Variants in CORIN observed in about 807,000 individuals in gnomAD.
CORIN encodes atrial natriuretic peptide-converting enzyme.
CORIN carries 117 observed loss-of-function variants against 125.3 expected under a neutral mutation model. The ratio of observed to expected loss-of-function variants is 0.93; its 90% CI spans 0.80 to 1.09. The LOEUF is 1.09. Ranked by LOEUF, CORIN falls within the 50% of genes least tolerant of loss-of-function variation. The pLI, the probability that CORIN is intolerant of heterozygous loss-of-function variation, is 0.00. For synonymous variants in CORIN, 450 were observed against 466.4 expected (o/e 0.96, Z 0.45); for missense variants, 1,253 against 1,306.7 (o/e 0.96, Z 0.63).
At chr4:47,786,300 C>T (rs1560548137) in intron 3 of CORIN, among the ~76,000 whole-genome samples, 1 of 151,908 alleles carries the variant, frequency 6.6e-6, no homozygotes, top group South Asian at 2.1e-4. Context: ...TTTGGGAGGC[C>T]GAGGCGGGCG....
intron 19 of CORIN, among the ~76,000 whole-genome samples, chr4:47,614,451 A>G (rs554814353): frequency 1.7e-4 from 26 of 152,150 alleles, no homozygotes; most frequent in Non-Finnish European, 3.4e-4. Context: ...CACCCACCTC[A>G]GCCTCCCAAA....
chr4:47,607,075 T>G (rs1029989842), intron 19 of CORIN, among the ~76,000 whole-genome samples: 1 of 152,236 alleles, frequency 6.6e-6, no homozygotes, highest in Non-Finnish European at 1.5e-5. Flanking sequence ...GTATTGAGAT[T>G]AATGTAATTC....
At chr4:47,692,485 G>C (rs1319159944) in intron 6 of CORIN, among the ~76,000 whole-genome samples, 2 of 150,294 alleles carry the variant, frequency 1.3e-5, no homozygotes, top group Non-Finnish European at 2.9e-5. Context: ...GACACATAAG[G>C]CTGAATCTAC....
intron 3 of CORIN, among the ~76,000 whole-genome samples, chr4:47,764,662 C>G (rs1405883246): frequency 6.6e-6 from 1 of 152,112 alleles, no homozygotes; most frequent in Non-Finnish European, 1.5e-5. Flanking sequence ...AATTTCAGAT[C>G]TGAAACCTAT....
intron 19 of CORIN, among the ~76,000 whole-genome samples, chr4:47,611,588 T>C (rs896793024): frequency 1.3e-5 from 2 of 152,240 alleles, no homozygotes; most frequent in Non-Finnish European, 2.9e-5. Flanking sequence ...CCTTTCTTTC[T>C]TTCTCTTGGC....
At chr4:47,784,122 C>G (rs961363620) in intron 3 of CORIN, among the ~76,000 whole-genome samples, 5 of 152,078 alleles carry the variant, frequency 3.3e-5, no homozygotes, top group African/African-American at 1.2e-4. Flanking sequence ...TACTACCTGT[C>G]TGGTGTATTT....
intron 5 of CORIN, among the ~76,000 whole-genome samples, chr4:47,736,194 T>C (rs563466769): frequency 6.6e-6 from 1 of 152,264 alleles, no homozygotes; most frequent in East Asian, 1.9e-4. Context: ...TCTCTTTCAG[T>C]TTTACTCACT....
chr4:47,615,190 A>T (rs1345645008), intron 19 of CORIN, among the ~76,000 whole-genome samples: 1 of 152,200 alleles, frequency 6.6e-6, no homozygotes, highest in Non-Finnish European at 1.5e-5. Context: ...GTGATGGGAG[A>T]CTAGAAGGAG....
chr4:47,707,842 A>G (rs1366620320), intron 5 of CORIN, among the ~76,000 whole-genome samples: 1 of 152,160 alleles, frequency 6.6e-6, no homozygotes, highest in Non-Finnish European at 1.5e-5. Context: ...ATTACAAGGG[A>G]GTAAGAGTGG....
intron 5 of CORIN, among the ~76,000 whole-genome samples, chr4:47,732,073 A>T (rs1464262178): frequency 1.3e-5 from 2 of 152,158 alleles, no homozygotes; most frequent in East Asian, 3.9e-4. Context: ...GATAGATTTA[A>T]GAATCATCAG....
intron 1 of CORIN, among the ~76,000 whole-genome samples, chr4:47,829,594 TC>T (rs1451094003): frequency 1.3e-5 from 2 of 152,150 alleles, no homozygotes; most frequent in African/African-American, 2.4e-5. Flanking sequence ...GCAACTGTCA[TC>T]TAAAGTGGGG....
At chr4:47,722,808 T>A (rs2352144) in intron 5 of CORIN, among the ~76,000 whole-genome samples, 15,061 of 152,266 alleles carry the variant, frequency 0.099, 885 homozygotes, top group East Asian at 0.27. Flanking sequence ...TGTAACTAAA[T>A]GTTGTGGACA....
intron 7 of CORIN, chr4:47,683,322 G>T (rs1725369522): frequency 6.1e-6 from 1 of 165,026 alleles, no homozygotes; most frequent in Non-Finnish European, 1.3e-5. Flanking sequence ...ATTAAATAAA[G>T]GAGGGGACTT....
chr4:47,828,309 T>C (rs1246443247), intron 1 of CORIN, among the ~76,000 whole-genome samples: 1 of 152,214 alleles, frequency 6.6e-6, no homozygotes, highest in Non-Finnish European at 1.5e-5. Flanking sequence ...AGCTTCAGGA[T>C]AGGGGCTGGT....
intron 5 of CORIN, among the ~76,000 whole-genome samples, chr4:47,729,436 A>C (rs1042140687): frequency 6.6e-6 from 1 of 152,178 alleles, no homozygotes; most frequent in Non-Finnish European, 1.5e-5. Flanking sequence ...ACAGCTGATT[A>C]AAAGAACTGA....
rs117128844 is a variant in CORIN, at chr4:47,653,333, G to C, written c.1843+220C>G. On this transcript the variant is annotated intron_variant, in intron 13 of 21. Transcript: ENST00000273857. ...CCTACGGATAAGGGGGAGGGGTACTGTATGTATCAGGGTTATATAGAAGTG... is the reference window on the plus strand; with the variant it reads ...CCTACGGATAAGGGGGAGGGGTACTCTATGTATCAGGGTTATATAGAAGTG... Among the ~76,000 whole-genome samples the C allele has an allele frequency of 1.7e-4, 26 of 152,302 alleles. 1 individual carries two copies. In the East Asian group the frequency reaches 5.0e-3, roughly 29 times the overall value.
intron 4 of CORIN, among the ~76,000 whole-genome samples, chr4:47,749,733 T>C (rs1053934550): frequency 1.8e-4 from 27 of 152,254 alleles, no homozygotes; most frequent in African/African-American, 6.5e-4. Context: ...CTGAGTTTGA[T>C]GTTCTATTCA....
At chr4:47,655,910 AAAG>A (rs1214560210) in intron 12 of CORIN, among the ~76,000 whole-genome samples, 3 of 151,976 alleles carry the variant, frequency 2.0e-5, no homozygotes, top group Admixed American at 6.6e-5. Flanking sequence ...CCAAATATTT[AAAG>A]AAGAACTAGT....
At chr4:47,622,948 A>G (rs1722381006) in intron 19 of CORIN, among the ~76,000 whole-genome samples, 1 of 151,958 alleles carries the variant, frequency 6.6e-6, no homozygotes, top group African/African-American at 2.4e-5. Flanking sequence ...CAGTTCAATT[A>G]AGTTCATTTC....
Sources: allele counts gnomAD v4.1 joint callset (sites outside exome capture counted in the v4.1 genomes callset), GRCh38; gene constraint gnomAD v4.1.1; transcripts MANE v1.5; gene names NCBI Gene and HGNC (gene_info 2026-07-23, HGNC 2026-07-21).